The following SCAI variants were observed in gnomAD, a reference collection of about 807,000 sequenced individuals.
The protein encoded by SCAI is suppressor of cancer cell invasion.
A neutral mutation model predicts 92.2 loss-of-function variants in SCAI; 24 were observed. The observed-to-expected ratio is 0.26, with a 90% CI of 0.19 to 0.37. The LOEUF (loss-of-function observed/expected upper bound fraction) is 0.37. Among genes scored for constraint, SCAI ranks in the 10% least tolerant of loss-of-function variants. The probability of loss-of-function intolerance (pLI) is 1.00; values close to 1 mark genes in which losing one functional copy is unlikely to be tolerated. For synonymous variants in SCAI, 261 were observed against 258.6 expected (o/e 1.01, Z -0.09); for missense variants, 450 against 736.2 (o/e 0.61, Z 4.50).
At chr9:124,971,602 T>C in intron 16 of SCAI, 69 bp downstream of exon 16, 1 of 1,453,702 alleles carries the variant, frequency 6.9e-7, no homozygotes, top group Non-Finnish European at 9.3e-7. Flanking sequence ...TCAAACAATT[T>C]AAAATAAGTA....
intron 3 of SCAI, among the ~76,000 whole-genome samples, chr9:125,055,616 T>A (rs755455181): frequency 2.0e-5 from 3 of 152,228 alleles, no homozygotes; most frequent in Non-Finnish European, 4.4e-5. Flanking sequence ...AAATCAGATC[T>A]GGTGTGAGTT....
At position 125,106,930 on chromosome 9, in the gene SCAI, G is replaced by A. The variant is rs574082580; in HGVS notation, c.98+35703C>T. ...GAGTCTCATTATGTTGCCCACGCTGGTCTTGAACTCCTGGGCTCAAATGAT... is the reference window on the plus strand; with the variant it reads ...GAGTCTCATTATGTTGCCCACGCTGATCTTGAACTCCTGGGCTCAAATGAT... On this transcript the variant is annotated intron_variant, in intron 2 of 17. Transcript: ENST00000336505. Among the ~76,000 whole-genome samples the A allele has an allele frequency of 1.1e-4, 16 of 148,228 alleles. No individual in the cohort carries two copies. The South Asian group carries it at 2.6e-3, about 24-fold the overall frequency.
intron 14 of SCAI, among the ~76,000 whole-genome samples, chr9:124,980,694 C>T (rs1016250760): frequency 1.3e-5 from 2 of 152,182 alleles, no homozygotes; most frequent in African/African-American, 4.8e-5. Flanking sequence ...TCCTGTGTGA[C>T]TCCGCTGGAA....
intron 3 of SCAI, among the ~76,000 whole-genome samples, chr9:125,055,457 C>T (rs1171968293): frequency 6.6e-6 from 1 of 152,080 alleles, no homozygotes; most frequent in Non-Finnish European, 1.5e-5. Context: ...TAGGCACAGA[C>T]ATTTCATCCC....
At chr9:125,138,249 CTTTTT>C (rs10570060) in intron 2 of SCAI, among the ~76,000 whole-genome samples, 1 of 104,198 alleles carries the variant, frequency 9.6e-6, no homozygotes, top group Non-Finnish European at 2.0e-5. Flanking sequence ...ACTATTATTT[CTTTTT>C]TTTTTTTTTT....
At chr9:125,005,974 T>C (rs1031086221) in intron 9 of SCAI, among the ~76,000 whole-genome samples, 2 of 152,178 alleles carry the variant, frequency 1.3e-5, no homozygotes, top group African/African-American at 4.8e-5. Context: ...TTAACATTAT[T>C]TGCATGGCTG....
At chr9:125,089,972 A>C (rs1834399219) in intron 2 of SCAI, among the ~76,000 whole-genome samples, 1 of 152,218 alleles carries the variant, frequency 6.6e-6, no homozygotes, top group Non-Finnish European at 1.5e-5. Context: ...GAGTGCTGGG[A>C]AATAAAGTTG....
At chr9:125,013,380 C>T (rs896696596) in intron 9 of SCAI, among the ~76,000 whole-genome samples, 1 of 152,206 alleles carries the variant, frequency 6.6e-6, no homozygotes, top group Admixed American at 6.5e-5. Context: ...TACAAACTAC[C>T]ATCAGAGAAT....
intron 17 of SCAI, among the ~76,000 whole-genome samples, chr9:124,958,032 A>G (rs151224660): frequency 6.6e-6 from 1 of 152,340 alleles, no homozygotes; most frequent in Non-Finnish European, 1.5e-5. Context: ...TTTTGGAATA[A>G]ATTATGAAAC....
rs1831137289 is a variant in SCAI at position 124,945,861 on chromosome 9, C to G, written c.*6946G>C. ...AAATTCTAGTTTGAGGAAGATGAAT[C>G]ACTTTTTTTTTTAAGTGGTCCCATT... On this transcript the variant is annotated 3_prime_UTR_variant, in exon 18 of 18. Transcript: ENST00000336505. The G allele has an allele frequency of 6.6e-6, 1 of 152,012 alleles. No homozygotes were observed. Among genetic ancestry groups the G allele is most frequent in the South Asian group, 2.1e-4 (1 of 4,812 alleles). 9.4% of individuals were successfully genotyped at this position (152,012 alleles called of 1,614,324 possible).
rs192307288 is a variant in SCAI at position 125,027,543 on chromosome 9, G to A, written c.414-633C>T. On this transcript the variant is annotated intron_variant, in intron 5 of 17. Coordinates refer to ENST00000336505, the MANE Select transcript of SCAI (RefSeq NM_001144877.3). ...TTCTAATTTTTTATTTTTTGAGACA[G>A]AGTTTCACTCTTGTTGCCCAGGCTG... 1.6e-3 allele frequency among the ~76,000 whole-genome samples: 247 copies of A among 152,144 alleles called. 1 individual carries two copies. The highest frequency in any genetic ancestry group is 5.8e-3 in the African/African-American group (239 of 41,498).
chr9:124,958,387 A>C (rs1831362611), intron 17 of SCAI, among the ~76,000 whole-genome samples: 2 of 152,234 alleles, frequency 1.3e-5, no homozygotes, highest in Non-Finnish European at 1.5e-5. Flanking sequence ...ATGGAAGAGA[A>C]TTTAGAGTTC....
intron 13 of SCAI, among the ~76,000 whole-genome samples, chr9:124,997,417 A>G (rs2131624996): frequency 6.6e-6 from 1 of 152,302 alleles, no homozygotes; most frequent in African/African-American, 2.4e-5. Flanking sequence ...CCAAAACCCG[A>G]AACACTTTTG....
At chr9:124,972,802 TTGGTTCTA>T (rs1564362247) in intron 15 of SCAI, among the ~76,000 whole-genome samples, 1 of 152,322 alleles carries the variant, frequency 6.6e-6, no homozygotes, top group East Asian at 1.9e-4. Flanking sequence ...CAAAGTCCTG[TTGGTTCTA>T]TGGTTCTATG....
intron 2 of SCAI, among the ~76,000 whole-genome samples, chr9:125,072,155 C>T (rs994958181): frequency 6.6e-6 from 1 of 152,016 alleles, no homozygotes; most frequent in Admixed American, 6.6e-5. Context: ...TCCTGAGTCA[C>T]TGGGACTACA....
Position 125,003,233 on chromosome 9 carries a change from A to C in SCAI, c.964-18T>G, listed in dbSNP as rs1305389048. On this transcript the variant is annotated intron_variant, in intron 10 of 17. Coordinates refer to ENST00000336505, the MANE Select transcript of SCAI (RefSeq NM_001144877.3). ...GCTGATTCCTATATTTACACACAGA[A>C]AACATTATACATAAAAGCTGCATTT... is the stretch of plus-strand genomic sequence containing the variant. 8.4e-6 allele frequency: 13 copies of C among 1,555,412 alleles called. No homozygotes were observed. Among genetic ancestry groups the C allele is most frequent in the Non-Finnish European group, 1.2e-5 (13 of 1,126,816 alleles).
At chr9:124,976,342 T>A (rs191836506) in intron 14 of SCAI, among the ~76,000 whole-genome samples, 156 bp from the exon 15 acceptor site, 1 of 152,362 alleles carries the variant, frequency 6.6e-6, no homozygotes, top group Admixed American at 6.5e-5. Flanking sequence ...CTGCCATTCA[T>A]ATATAAGTAC....
rs148172021 is a variant in SCAI at position 124,958,867 on chromosome 9, A to G, written c.1675-5914T>C. Among the ~76,000 whole-genome samples the G allele has an allele frequency of 6.2e-3, 933 of 149,726 alleles. 4 individuals carry two copies. Among genetic ancestry groups the G allele is most frequent in the Non-Finnish European group, 9.5e-3 (643 of 67,686 alleles). On this transcript the variant is annotated intron_variant, in intron 17 of 17. Coordinates refer to ENST00000336505, the MANE Select transcript of SCAI (RefSeq NM_001144877.3). ...GGTTGCAGTGAGCCAAGATTGTGCC[A>G]CTGCACTCCAGCCTGGGTGAGAGTG...
chr9:125,062,256 G>C (rs1200155682), intron 2 of SCAI, among the ~76,000 whole-genome samples: 1 of 151,318 alleles, frequency 6.6e-6, no homozygotes, highest in Non-Finnish European at 1.5e-5. Flanking sequence ...CTCTTGAGTA[G>C]CTGGGTCTCC....
Sources: allele counts gnomAD v4.1 joint callset (sites outside exome capture counted in the v4.1 genomes callset), GRCh38; gene constraint gnomAD v4.1.1; transcripts MANE v1.5; gene names NCBI Gene and HGNC (gene_info 2026-07-23, HGNC 2026-07-21).